AKT3: variants seen among roughly 807,000 people sequenced by gnomAD.
AKT3 encodes the protein RAC-gamma serine/threonine-protein kinase.
Under a neutral mutation model 65.3 loss-of-function variants are expected in AKT3, and 15 were observed. That is an observed-to-expected ratio of 0.23 (90% confidence interval 0.15 to 0.35). The LOEUF is 0.35. Ranked by LOEUF, AKT3 falls within the 10% of genes least tolerant of loss-of-function variation. AKT3 has a pLI of 1.00. For synonymous variants in AKT3, 206 were observed against 183.8 expected (o/e 1.12, Z -0.98); for missense variants, 243 against 576.5 (o/e 0.42, Z 5.92).
chr1:243,767,552 C>G (rs904031730), intron 2 of AKT3, among the ~76,000 whole-genome samples: 1 of 151,678 alleles, frequency 6.6e-6, no homozygotes, highest in African/African-American at 2.4e-5. Flanking sequence ...TAATAGATAA[C>G]TTTTTAATTA....
intron 4 of AKT3, among the ~76,000 whole-genome samples, chr1:243,661,348 A>T (rs1408255466): frequency 6.6e-6 from 1 of 152,244 alleles, no homozygotes; most frequent in Non-Finnish European, 1.5e-5. Flanking sequence ...TGGTACTGGT[A>T]CCAAAACAGA....
At chr1:243,788,374 A>G (rs1487040012) in intron 2 of AKT3, among the ~76,000 whole-genome samples, 3 of 152,232 alleles carry the variant, frequency 2.0e-5, no homozygotes, top group Non-Finnish European at 4.4e-5. Context: ...CTCTATATAC[A>G]TTTCATAGAA....
chr1:243,771,960 T>C (rs373927706), intron 2 of AKT3, among the ~76,000 whole-genome samples: 24 of 152,332 alleles, frequency 1.6e-4, no homozygotes, highest in East Asian at 1.5e-3. Context: ...ATTTAACAAA[T>C]GGTGCTGGGA....
intron 2 of AKT3, among the ~76,000 whole-genome samples, chr1:243,697,640 G>A (rs1239693867): frequency 1.3e-5 from 2 of 152,026 alleles, no homozygotes; most frequent in Non-Finnish European, 2.9e-5. Context: ...GGCTTATCGT[G>A]CTATGCTGAT....
intron 12 of AKT3, among the ~76,000 whole-genome samples, chr1:243,536,099 G>T (rs180882603): frequency 7.1e-6 from 1 of 139,988 alleles, no homozygotes; most frequent in Non-Finnish European, 1.5e-5. Context: ...GCTGATTTGA[G>T]TTCTTTATAA....
chr1:243,803,161 A>G (rs1014644583), intron 2 of AKT3, among the ~76,000 whole-genome samples: 12 of 152,142 alleles, frequency 7.9e-5, no homozygotes, highest in Non-Finnish European at 7.4e-5. Flanking sequence ...TTAAAAAATT[A>G]TAATAACAGT....
At chr1:243,542,988 GT>G (rs752287225) in intron 12 of AKT3, among the ~76,000 whole-genome samples, 2 of 152,020 alleles carry the variant, frequency 1.3e-5, no homozygotes, top group South Asian at 4.2e-4. Flanking sequence ...GTCATTTTGG[GT>G]TGTGCTTCTT....
downstream of AKT3, among the ~76,000 whole-genome samples, chr1:243,497,556 C>T (rs771944221): frequency 1.3e-5 from 2 of 152,134 alleles, no homozygotes; most frequent in South Asian, 2.1e-4. Context: ...GGAGGTCACC[C>T]GTTTCTGGAA....
At chr1:243,707,700 G>A (rs549521485) in intron 2 of AKT3, among the ~76,000 whole-genome samples, 54 of 152,022 alleles carry the variant, frequency 3.6e-4, no homozygotes, top group Non-Finnish European at 7.1e-4. Flanking sequence ...TTGACATCAG[G>A]CCTTCCCCAC....
At chr1:243,754,812 C>T (rs778595584) in intron 2 of AKT3, among the ~76,000 whole-genome samples, 6 of 152,138 alleles carry the variant, frequency 3.9e-5, no homozygotes, top group Admixed American at 1.3e-4. Context: ...AAGCAGCCCC[C>T]GGTGCCAAGA....
chr1:243,650,339 TC>T (rs1681212502), intron 4 of AKT3, among the ~76,000 whole-genome samples: 5 of 152,246 alleles, frequency 3.3e-5, no homozygotes. Context: ...GCAAAAATTT[TC>T]TCCCATTCTG....
chr1:243,609,267 T>C (rs1446020580), intron 8 of AKT3, among the ~76,000 whole-genome samples: 3 of 151,796 alleles, frequency 2.0e-5, no homozygotes, highest in African/African-American at 7.3e-5. Context: ...AAAAAAAAAT[T>C]GTGAGGTTAA....
intron 2 of AKT3, among the ~76,000 whole-genome samples, chr1:243,791,925 GT>G (rs1691654467): frequency 6.6e-6 from 1 of 152,164 alleles, no homozygotes. Context: ...AAATTAGAAA[GT>G]TTTTGTTGTT....
At chr1:243,499,419 T>C (rs1341223563), downstream of AKT3, among the ~76,000 whole-genome samples, 1 of 152,256 alleles carries the variant, frequency 6.6e-6, no homozygotes, top group Non-Finnish European at 1.5e-5. Context: ...AAACAGATTA[T>C]GGCACAAATC....
chr1:243,786,383 G>C (rs1691262476), intron 2 of AKT3, among the ~76,000 whole-genome samples: 1 of 152,104 alleles, frequency 6.6e-6, no homozygotes. Context: ...TGTAAAAAAA[G>C]AATAGCAGTC....
chr1:243,787,271 G>C (rs932091966), intron 2 of AKT3, among the ~76,000 whole-genome samples: 7 of 152,092 alleles, frequency 4.6e-5, no homozygotes, highest in African/African-American at 1.7e-4. Flanking sequence ...TTTTGATCTA[G>C]AAAAATATCT....
chr1:243,560,283 C>T (rs1673682654), intron 10 of AKT3, among the ~76,000 whole-genome samples: 1 of 152,096 alleles, frequency 6.6e-6, no homozygotes, highest in Non-Finnish European at 1.5e-5. Flanking sequence ...CTTCTACCAT[C>T]GTTGTATTCC....
chr1:243,591,669 A>C (rs1002344979), intron 8 of AKT3, among the ~76,000 whole-genome samples: 1 of 152,158 alleles, frequency 6.6e-6, no homozygotes, highest in Non-Finnish European at 1.5e-5. Context: ...ATAGCTGTTG[A>C]AAATATAAAA....
chr1:243,544,690 G>A (rs1558603300), intron 12 of AKT3, among the ~76,000 whole-genome samples: 1 of 110,258 alleles, frequency 9.1e-6, no homozygotes, highest in African/African-American at 3.0e-5. Context: ...AATTAGTAGT[G>A]GTTTTTTGTT....
Sources: allele counts gnomAD v4.1 joint callset (sites outside exome capture counted in the v4.1 genomes callset), GRCh38; gene constraint gnomAD v4.1.1; transcripts MANE v1.5; gene names NCBI Gene and HGNC (gene_info 2026-07-23, HGNC 2026-07-21).